ANKHD1: variants seen among roughly 807,000 people sequenced by gnomAD.
The protein encoded by ANKHD1 is ankyrin repeat and KH domain-containing protein 1.
A neutral mutation model predicts 230.5 loss-of-function variants in ANKHD1; 31 were observed. The ratio of observed to expected loss-of-function variants is 0.13; its 90% CI spans 0.10 to 0.18. The LOEUF (loss-of-function observed/expected upper bound fraction) is 0.18, where lower values mean the gene tolerates loss of function less well. Among genes scored for constraint, ANKHD1 ranks in the 10% least tolerant of loss-of-function variants. ANKHD1 has a pLI of 1.00. For synonymous variants in ANKHD1, 1,074 were observed against 1,117.6 expected (o/e 0.96, Z 0.78); for missense variants, 2,256 against 3,071.3 (o/e 0.73, Z 6.27).
rs201953697 is a variant in ANKHD1, at chr5:140,509,616, A to G, written c.3766-21A>G. The G allele has an allele frequency of 5.2e-5, 77 of 1,492,010 alleles. No homozygotes were observed. The East Asian group carries it at 1.7e-3, about 34-fold the overall frequency. The allele number at this position is 1,492,010 out of a possible 1,614,324, so 92.4% of individuals were successfully genotyped here. ...AAAAAAAGAAATGTAACTTAGTTGC[A>G]TAATTTATTGGTTTAAACAGACGGG... On this transcript the variant is annotated intron_variant, in intron 20 of 33. Coordinates refer to ENST00000360839, the MANE Select transcript of ANKHD1 (RefSeq NM_017747.3).
intron 1 of ANKHD1, among the ~76,000 whole-genome samples, chr5:140,428,191 A>G (rs1031713482): frequency 2.0e-5 from 3 of 147,664 alleles, no homozygotes; most frequent in African/African-American, 7.6e-5. Context: ...ATCCCAGACG[A>G]TGGGCGGCCA....
At position 140,404,543 on chromosome 5, in the gene ANKHD1, C is replaced by T. The variant is rs991468460; in HGVS notation, c.306+2270C>T. Among the ~76,000 whole-genome samples, 2 of 151,950 alleles carry T rather than the reference C, an allele frequency of 1.3e-5. 1 individual carries two copies. The highest frequency in any genetic ancestry group is 3.9e-4 in the East Asian group (2 of 5,184). On this transcript the variant is annotated intron_variant, in intron 1 of 33. Coordinates refer to ENST00000360839, the MANE Select transcript of ANKHD1 (RefSeq NM_017747.3). ...CGTCTCCCAGGTTCAAGCTATTTTC[C>T]TGCCTCAGCCTCCCTAGTAACTGGG...
At chr5:140,499,612 T>C (rs1752187409) in intron 15 of ANKHD1, among the ~76,000 whole-genome samples, 2 of 152,148 alleles carry the variant, frequency 1.3e-5, no homozygotes, top group Non-Finnish European at 2.9e-5. Context: ...TGCAACTTGA[T>C]TAGCTGATTA....
rs1752569689 is a variant in ANKHD1, at chr5:140,507,061, A to G, written c.3551+84A>G. Reference sequence around the variant, plus strand: ...TCTACCTCTTAACGTTTAGACAGATACATTTTAAATTAAGATAGTACTAAA... The same window carrying G: ...TCTACCTCTTAACGTTTAGACAGATGCATTTTAAATTAAGATAGTACTAAA... On this transcript the variant is annotated intron_variant, in intron 19 of 33. Coordinates refer to ENST00000360839, the MANE Select transcript of ANKHD1 (RefSeq NM_017747.3). The surrounding 1 kb of genome is among the most constrained non-coding windows in gnomAD (Gnocchi z 4.1). 1 of 1,538,086 alleles carries G rather than the reference A, an allele frequency of 6.5e-7. No homozygotes were observed. The highest frequency in any genetic ancestry group is 1.3e-5 in the South Asian group (1 of 79,472).
In ANKHD1 at chr5:140,485,486, CTA is replaced by C; in HGVS notation, c.1999-101_1999-100del. The C allele has an allele frequency of 6.9e-7, 1 of 1,447,756 alleles. No individual in the cohort carries two copies. Among genetic ancestry groups the C allele is most frequent in the South Asian group, 1.4e-5 (1 of 69,120 alleles). 89.7% of individuals were successfully genotyped at this position (1,447,756 alleles called of 1,614,324 possible). ...GTATAGTTATAAAAATATGTTTGAT[CTA>C]TCTTAGTGCTTAGTATTTAATACTG... On this transcript the variant is annotated intron_variant, in intron 12 of 33. Transcript: ENST00000360839. The surrounding 1 kb of genome is among the most constrained non-coding windows in gnomAD (Gnocchi z 4.8).
rs1242427851 is a variant in ANKHD1 at position 140,401,971 on chromosome 5, C to T, written c.4C>T (p.Leu2=). 1 of 1,566,926 alleles carries T rather than the reference C, an allele frequency of 6.4e-7. No individual in the cohort carries two copies. ...TCTCCGGCTCCGGGTGCGAACAATG[C>T]TGACTGATAGCGGAGGCGGCGGCAC... M[L]TDSGGGGTSF... The change falls in exon 1 of 34, where the codon CTG becomes TTG. Residue 2 remains leucine, a synonymous_variant. Transcript: ENST00000360839.
chr5:140,497,430 T>C, intron 15 of ANKHD1, 152 bp downstream of exon 15: 1 of 1,338,416 alleles, frequency 7.5e-7, no homozygotes, highest in Non-Finnish European at 9.8e-7. Context: ...GTGAATTAAC[T>C]ATGCTCAATA....
rs1334242254 is a variant in ANKHD1, at chr5:140,427,399, C to G, written c.307-8705C>G. On this transcript the variant is annotated intron_variant, in intron 1 of 33. Transcript: ENST00000360839. ...GACCCCCCCCCACCTCCCTCCCCGA[C>G]GGGCGGCTGGCCGGGCGGGGGGCTG... 5.4e-5 allele frequency among the ~76,000 whole-genome samples: 5 copies of G among 91,782 alleles called. 1 individual carries two copies. Among genetic ancestry groups the G allele is most frequent in the Non-Finnish European group, 8.7e-5 (4 of 46,058 alleles). 60.2% of individuals were successfully genotyped at this position (91,782 alleles called of 152,430 possible). A position where few individuals can be genotyped will look rare whatever the true frequency, so the allele number is the denominator to read the frequency against.
Position 140,526,056 on chromosome 5 carries a change from C to T in ANKHD1, c.4553C>T (p.Ser1518Phe). The T allele has an allele frequency of 6.2e-7, 1 of 1,612,188 alleles. No individual in the cohort carries two copies. Residue 1518 changes from serine (S) to phenylalanine (F), a missense_variant, in exon 26 of 34, where the codon TCT (serine) becomes TTT (phenylalanine). Transcript: ENST00000360839. ...ACCACCACCACTACGATTGGAATCTCTGCAACATCTGCAACATTCACAAAT... is the reference window on the plus strand; with the variant it reads ...ACCACCACCACTACGATTGGAATCTTTGCAACATCTGCAACATTCACAAAT... ...SATTTTTIGI[S>F]ATSATFTNVF... is the part of the protein sequence containing the mutation.
At chr5:140,455,782 G>A (rs1775133047) in intron 7 of ANKHD1, among the ~76,000 whole-genome samples, 1 of 152,176 alleles carries the variant, frequency 6.6e-6, no homozygotes, top group Non-Finnish European at 1.5e-5. Context: ...AAAACTGGAA[G>A]CATTCCCTTT....
At position 140,528,607 on chromosome 5, in the gene ANKHD1, A is replaced by G. The variant is rs1442777079; in HGVS notation, c.5661A>G (p.Thr1887=). 2 of 1,614,140 alleles carry G rather than the reference A, an allele frequency of 1.2e-6. No homozygotes were observed. The highest frequency in any genetic ancestry group is 2.2e-5 in the South Asian group (2 of 91,084). Residue 1887 remains threonine, a synonymous_variant, in exon 29 of 34, where the codon ACA becomes ACG. Transcript: ENST00000360839. ...GAACCTTCTCACCTTCTCCTAACAC[A>G]TGGGGACCATTCCCAGTGAGACCTG... ...FGGTFSPSPN[T]WGPFPVRPVN...
intron 10 of ANKHD1, among the ~76,000 whole-genome samples, chr5:140,482,124 G>T (rs142516200): frequency 6.6e-6 from 1 of 150,542 alleles, no homozygotes. Flanking sequence ...TCATTTTTCC[G>T]TTACTCCTAA....
intron 10 of ANKHD1, among the ~76,000 whole-genome samples, chr5:140,479,670 A>G (rs1233939274): frequency 1.3e-5 from 2 of 150,412 alleles, no homozygotes; most frequent in Non-Finnish European, 3.0e-5. Context: ...TTATACATGT[A>G]TATTCCCATT....
chr5:140,510,788 T>G (rs1002616577), intron 22 of ANKHD1, among the ~76,000 whole-genome samples: 3 of 152,018 alleles, frequency 2.0e-5, no homozygotes, highest in African/African-American at 7.2e-5. Flanking sequence ...GGAGTAGACT[T>G]TCATAAAAAC....
At chr5:140,419,388 C>T (rs1012055130) in intron 1 of ANKHD1, among the ~76,000 whole-genome samples, 3 of 150,020 alleles carry the variant, frequency 2.0e-5, no homozygotes, top group Non-Finnish European at 4.4e-5. Flanking sequence ...ATGCTAGTTC[C>T]TTAACAGATC....
At chr5:140,422,209 G>A (rs563244162) in intron 1 of ANKHD1, among the ~76,000 whole-genome samples, 3 of 152,114 alleles carry the variant, frequency 2.0e-5, no homozygotes, top group Admixed American at 6.6e-5. Flanking sequence ...TTCAACCTCC[G>A]CCTCCTGGGT....
chr5:140,467,924 C>T (rs910438915), intron 10 of ANKHD1, among the ~76,000 whole-genome samples: 1 of 151,954 alleles, frequency 6.6e-6, no homozygotes, highest in African/African-American at 2.4e-5. Flanking sequence ...CTGTTTTGGG[C>T]TATAATAATT....
At chr5:140,514,528 G>A (rs894235516) in intron 24 of ANKHD1, among the ~76,000 whole-genome samples, 7 of 151,982 alleles carry the variant, frequency 4.6e-5, no homozygotes, top group Admixed American at 6.6e-5. Flanking sequence ...TAAACGTGTC[G>A]CCTATATGAC....
At chr5:140,470,418 T>G (rs189718113) in intron 10 of ANKHD1, among the ~76,000 whole-genome samples, 1 of 151,754 alleles carries the variant, frequency 6.6e-6, no homozygotes, top group Admixed American at 6.6e-5. Flanking sequence ...TTCTGCTATG[T>G]TTTTGACTAT....
Sources: allele counts gnomAD v4.1 joint callset (sites outside exome capture counted in the v4.1 genomes callset), GRCh38; gene constraint gnomAD v4.1.1; non-coding constraint Gnocchi (gnomAD v3.1); transcripts MANE v1.5; gene names NCBI Gene and HGNC (gene_info 2026-07-23, HGNC 2026-07-21).